COG6: variants seen among roughly 807,000 people sequenced by gnomAD.
COG6 encodes component of oligomeric golgi complex 6.
Under a neutral mutation model 88.8 loss-of-function variants are expected in COG6, and 74 were observed. That is an observed-to-expected ratio of 0.83 (90% CI 0.69 to 1.01). The LOEUF (loss-of-function observed/expected upper bound fraction) is 1.01. Among genes scored for constraint, COG6 ranks in the 50% least tolerant of loss-of-function variants. The pLI, the probability that COG6 is intolerant of heterozygous loss-of-function variation, is 0.00. For synonymous variants in COG6, 286 were observed against 278.7 expected (o/e 1.03, Z -0.26); for missense variants, 800 against 797.9 (o/e 1.00, Z -0.03).
At chr13:39,707,159 C>T (rs1593440059) in intron 13 of COG6, among the ~76,000 whole-genome samples, 2 of 149,460 alleles carry the variant, frequency 1.3e-5, no homozygotes, top group South Asian at 2.1e-4. Context: ...GACAGAGTCT[C>T]GCTCTGTCAC....
At chr13:39,670,277 T>G (rs1465972730) in intron 4 of COG6, among the ~76,000 whole-genome samples, 2 of 152,136 alleles carry the variant, frequency 1.3e-5, no homozygotes, top group Non-Finnish European at 2.9e-5. Flanking sequence ...TACCTTTGTA[T>G]TTTTAAAATA....
exon 19 of COG6, chr13:39,789,354 G>A (rs996689960): frequency 6.6e-6 from 1 of 152,200 alleles, no homozygotes; most frequent in Admixed American, 6.5e-5. Context: ...TAAGAATCAT[G>A]CAGCAATGAT....
Position 39,687,540 on chromosome 13 carries a change from A to G in COG6, c.826A>G (p.Thr276Ala), listed in dbSNP as rs1462704941. 1.2e-6 allele frequency: 2 copies of G among 1,613,008 alleles called. No individual in the cohort carries two copies. Among genetic ancestry groups the G allele is most frequent in the East Asian group, 2.2e-5 (1 of 44,858 alleles). The change falls in exon 9 of 19, where the codon ACA becomes GCA. Residue 276 changes from threonine (T) to alanine (A), a missense_variant. Coordinates refer to ENST00000455146, the MANE Select transcript of COG6 (RefSeq NM_020751.3). ...TGAATTTGGAACAGCCAGAAGAAGT[A>G]CAGTTGTTCGTGGATTTATTGATGC... ...LDEFGTARRS[T>A]VVRGFIDALT... is the part of the protein sequence containing the mutation.
At chr13:39,740,435 C>T (rs940683286) in intron 18 of COG6, among the ~76,000 whole-genome samples, 12 of 152,158 alleles carry the variant, frequency 7.9e-5, no homozygotes, top group South Asian at 6.2e-4. Flanking sequence ...TCAATTCTTT[C>T]GATGAATTTA....
chr13:39,708,734 A>G (rs1025848883), intron 13 of COG6, among the ~76,000 whole-genome samples: 6 of 152,210 alleles, frequency 3.9e-5, no homozygotes, highest in Admixed American at 2.0e-4. Flanking sequence ...GATGTTTGAT[A>G]GATTGAAAAA....
intron 17 of COG6, among the ~76,000 whole-genome samples, chr13:39,725,609 T>G (rs774639145): frequency 6.6e-6 from 1 of 151,748 alleles, no homozygotes; most frequent in Non-Finnish European, 1.5e-5. Context: ...AAGTAGAATT[T>G]AAAAAGACTA....
At chr13:39,657,026 T>C (rs1351899978) in intron 1 of COG6, 6 of 358,052 alleles carry the variant, frequency 1.7e-5, no homozygotes, top group African/African-American at 8.5e-5. Flanking sequence ...TGCTCTGATA[T>C]AGATAACATG....
chr13:39,753,319 C>T (rs1880728029), downstream of COG6, among the ~76,000 whole-genome samples: 1 of 152,148 alleles, frequency 6.6e-6, no homozygotes, highest in Admixed American at 6.5e-5. Context: ...CCTCACTAGA[C>T]ACCAAATCTT....
chr13:39,767,023 G>T (rs150216858), intron 18 of COG6, among the ~76,000 whole-genome samples: 1 of 152,242 alleles, frequency 6.6e-6, no homozygotes, highest in Non-Finnish European at 1.5e-5. Flanking sequence ...GTTTTAAAGG[G>T]TGATAGGGTA....
At chr13:39,685,513 A>T (rs1223370868) in intron 8 of COG6, among the ~76,000 whole-genome samples, 1 of 152,176 alleles carries the variant, frequency 6.6e-6, no homozygotes, top group South Asian at 2.1e-4. Flanking sequence ...CTGGATTTTA[A>T]GATTCACTGG....
At chr13:39,710,209 G>C (rs9315727) in intron 13 of COG6, among the ~76,000 whole-genome samples, 2 of 152,152 alleles carry the variant, frequency 1.3e-5, no homozygotes, top group African/African-American at 4.8e-5. Context: ...GCACATCTTT[G>C]GTTAGATTTA....
At chr13:39,672,715 A>G (rs1337615763) in intron 4 of COG6, among the ~76,000 whole-genome samples, 2 of 152,012 alleles carry the variant, frequency 1.3e-5, no homozygotes, top group African/African-American at 4.8e-5. Context: ...ATATTTGTTT[A>G]CAAGTTTTTG....
At chr13:39,784,217 G>A (rs1881709818) in intron 18 of COG6, among the ~76,000 whole-genome samples, 1 of 152,178 alleles carries the variant, frequency 6.6e-6, no homozygotes, top group African/African-American at 2.4e-5. Flanking sequence ...ATTTGTCAGA[G>A]TACAGCACAC....
chr13:39,722,619 A>C (rs1356081892), intron 15 of COG6, among the ~76,000 whole-genome samples: 2 of 58,354 alleles, frequency 3.4e-5, no homozygotes, highest in Non-Finnish European at 7.5e-5. Context: ...TACTGGCACA[A>C]AAAAAAAAAA....
chr13:39,755,431 A>G (rs9532428), downstream of COG6, among the ~76,000 whole-genome samples: 44 of 151,648 alleles, frequency 2.9e-4, no homozygotes, highest in Non-Finnish European at 5.3e-4. Flanking sequence ...CTCACCCTCT[A>G]CTGGGGTGGG....
At chr13:39,755,651 A>T (rs558489380), downstream of COG6, among the ~76,000 whole-genome samples, 4 of 152,330 alleles carry the variant, frequency 2.6e-5, no homozygotes, top group African/African-American at 7.2e-5. Context: ...GAATGAACAG[A>T]GAGACCGTAA....
chr13:39,781,377 GT>G (rs1881625607), intron 18 of COG6, among the ~76,000 whole-genome samples: 1 of 151,258 alleles, frequency 6.6e-6, no homozygotes, highest in Non-Finnish European at 1.5e-5. Flanking sequence ...GTTAACATTT[GT>G]TTTTCCCCTG....
chr13:39,680,659 T>C (rs1039646328), intron 7 of COG6, among the ~76,000 whole-genome samples: 1 of 152,234 alleles, frequency 6.6e-6, no homozygotes, highest in Non-Finnish European at 1.5e-5. Flanking sequence ...TTTGCAGCAC[T>C]GAGGTCTGTG....
intron 15 of COG6, 96 bp from the exon 16 acceptor site, chr13:39,723,237 C>G (rs1460488908): frequency 1.1e-5 from 8 of 749,838 alleles, no homozygotes; most frequent in Non-Finnish European, 1.9e-5. Flanking sequence ...CAGAGGTGAT[C>G]CCTGTGCCTC....
Sources: allele counts gnomAD v4.1 joint callset (sites outside exome capture counted in the v4.1 genomes callset), GRCh38; gene constraint gnomAD v4.1.1; transcripts MANE v1.5; gene names NCBI Gene and HGNC (gene_info 2026-07-23, HGNC 2026-07-21).